CALCRL: variants seen among roughly 807,000 people sequenced by gnomAD.
The protein encoded by CALCRL is calcitonin receptor like receptor, also known as calcitonin gene-related peptide type 1 receptor.
Under a neutral mutation model 60.4 loss-of-function variants are expected in CALCRL, and 27 were observed. That is an observed-to-expected ratio of 0.45 (90% CI 0.33 to 0.62). The LOEUF (loss-of-function observed/expected upper bound fraction) is 0.62, where lower values mean the gene tolerates loss of function less well. CALCRL is among the 20% of genes least tolerant of loss of function. The probability of loss-of-function intolerance (pLI) is 0.03; values close to 1 mark genes in which losing one functional copy is unlikely to be tolerated. For synonymous variants in CALCRL, 190 were observed against 182.6 expected (o/e 1.04, Z -0.33); for missense variants, 424 against 540.7 (o/e 0.78, Z 2.14).
intron 14 of CALCRL, among the ~76,000 whole-genome samples, chr2:187,347,270 A>G (rs998841581): frequency 1.3e-4 from 20 of 151,934 alleles, no homozygotes; most frequent in Admixed American, 1.1e-3. Context: ...GGACTTTTCC[A>G]TGTCTGATGA....
At chr2:187,369,534 AT>A (rs1032026363) in intron 8 of CALCRL, among the ~76,000 whole-genome samples, 6 of 152,264 alleles carry the variant, frequency 3.9e-5, no homozygotes, top group East Asian at 1.9e-4. Context: ...TTGAGTTTGA[AT>A]TTTGAAGTTC....
chr2:187,430,474 AT>A (rs1261396184), intron 1 of CALCRL, among the ~76,000 whole-genome samples: 2 of 152,212 alleles, frequency 1.3e-5, no homozygotes, highest in African/African-American at 4.8e-5. Context: ...AGGACATTTA[AT>A]TTTGTAGGAA....
chr2:187,379,351 C>G (rs1270330096), intron 7 of CALCRL, among the ~76,000 whole-genome samples: 2 of 151,696 alleles, frequency 1.3e-5, no homozygotes, highest in Non-Finnish European at 2.9e-5. Context: ...CTATATGAAA[C>G]TAGTATTTTA....
chr2:187,363,538 G>A, intron 8 of CALCRL, 36 bp from the exon 9 acceptor site: 1 of 1,535,368 alleles, frequency 6.5e-7, no homozygotes, highest in Non-Finnish European at 8.7e-7. Flanking sequence ...TTGACATCAT[G>A]AAATGTTTTT....
chr2:187,404,923 G>A (rs1383931890), intron 1 of CALCRL, among the ~76,000 whole-genome samples: 1 of 151,914 alleles, frequency 6.6e-6, no homozygotes, highest in African/African-American at 2.4e-5. Context: ...AGTAGGAAGC[G>A]AGACACAGGG....
At chr2:187,406,399 T>G (rs1689129508) in intron 1 of CALCRL, among the ~76,000 whole-genome samples, 1 of 152,006 alleles carries the variant, frequency 6.6e-6, no homozygotes, top group Non-Finnish European at 1.5e-5. Flanking sequence ...GTACAGAATA[T>G]TCAATACACA....
At chr2:187,373,512 G>T (rs1417898103) in intron 8 of CALCRL, among the ~76,000 whole-genome samples, 2 of 151,932 alleles carry the variant, frequency 1.3e-5, no homozygotes, top group Non-Finnish European at 2.9e-5. Context: ...TTATAAACAT[G>T]GTCCATTTAA....
rs73979870 is a variant in CALCRL, at chr2:187,360,353, T to C, written c.781+245A>G. 1.7e-3 allele frequency among the ~76,000 whole-genome samples: 266 copies of C among 152,162 alleles called. 3 individuals carry two copies. Among genetic ancestry groups the C allele is most frequent in the African/African-American group, 6.2e-3 (256 of 41,558 alleles). ...CTACATATTCAGCCAAGATACCCTA[T>C]TCATTGGCATATTCAATAGAAAAAA... On this transcript the variant is annotated intron_variant, in intron 10 of 14. Transcript: ENST00000392370.
chr2:187,432,888 A>G (rs541115098), intron 1 of CALCRL, among the ~76,000 whole-genome samples: 1 of 152,084 alleles, frequency 6.6e-6, no homozygotes, highest in African/African-American at 2.4e-5. Context: ...AGTGTGTTAC[A>G]GTTGCCTAAA....
At chr2:187,349,796 T>C (rs905534665) in intron 14 of CALCRL, among the ~76,000 whole-genome samples, 3 of 151,668 alleles carry the variant, frequency 2.0e-5, no homozygotes, top group Non-Finnish European at 4.4e-5. Flanking sequence ...ACTTTAGATA[T>C]TCCCTGGGCA....
At chr2:187,439,300 T>C (rs1574329494) in intron 1 of CALCRL, among the ~76,000 whole-genome samples, 1 of 152,092 alleles carries the variant, frequency 6.6e-6, no homozygotes, top group Admixed American at 6.6e-5. Context: ...CTGGCCAACA[T>C]GGCGAAATCC....
Position 187,346,184 on chromosome 2 carries a change from T to G in CALCRL, c.1386A>C (p.Ter462CysextTer2). ...VLLKPENLYN[*>C] ...CAGTGAGACAACCATCCTTCTATTT[T>G]CAATTATATAAATTTTCTGGTTTTA... The change falls in exon 15 of 15, where the codon TGA becomes TGC. Residue 462 changes from the stop codon to cysteine, a stop_lost. Coordinates refer to ENST00000392370, the MANE Select transcript of CALCRL (RefSeq NM_005795.6). The G allele has an allele frequency of 6.4e-7, 1 of 1,570,038 alleles. No individual in the cohort carries two copies. Among genetic ancestry groups the G allele is most frequent in the East Asian group, 2.3e-5 (1 of 44,146 alleles).
intron 1 of CALCRL, among the ~76,000 whole-genome samples, chr2:187,414,259 A>C (rs1483971608): frequency 6.6e-6 from 1 of 152,154 alleles, no homozygotes; most frequent in East Asian, 1.9e-4. Flanking sequence ...GGATGTGAGT[A>C]TGGGAAAGGC....
At chr2:187,380,301 A>C (rs1232386477) in intron 7 of CALCRL, among the ~76,000 whole-genome samples, 166 bp downstream of exon 7, 1 of 152,138 alleles carries the variant, frequency 6.6e-6, no homozygotes, top group Non-Finnish European at 1.5e-5. Flanking sequence ...ATCAATAATA[A>C]TTTTTTCCAC....
rs1445391018 is a variant in CALCRL at position 187,346,383 on chromosome 2, C to T, written c.1187G>A (p.Arg396Lys). ...FFNGEVQAIL[R>K]RNWNQYKIQF... is the part of the protein sequence containing the mutation. ...GATTTTGTATTGATTCCAGTTTCTT[C>T]TCAGAATTGCTTGAACCTATCAATC... The change falls in exon 15 of 15, where the codon AGA (arginine) becomes AAA (lysine). Residue 396 changes from arginine (R) to lysine (K), a missense_variant. Physicochemically the swap from Arg to Lys is conservative, Grantham distance 26 (BLOSUM62 2). Transcript: ENST00000392370. The T allele has an allele frequency of 1.2e-6, 2 of 1,610,124 alleles. No homozygotes were observed. Among genetic ancestry groups the T allele is most frequent in the South Asian group, 2.2e-5 (2 of 90,810 alleles).
intron 1 of CALCRL, among the ~76,000 whole-genome samples, chr2:187,405,622 G>C (rs919112710): frequency 6.6e-6 from 1 of 151,964 alleles, no homozygotes; most frequent in Non-Finnish European, 1.5e-5. Flanking sequence ...TATTACTCTT[G>C]ATTTGTATTT....
intron 8 of CALCRL, among the ~76,000 whole-genome samples, chr2:187,364,139 C>T (rs1687176514): frequency 6.6e-6 from 1 of 151,692 alleles, no homozygotes; most frequent in African/African-American, 2.4e-5. Flanking sequence ...ACTAGAGTTC[C>T]TCTTGTATAA....
chr2:187,342,829 TCTTA>T lies in CALCRL; in HGVS notation c.*3351_*3354del, dbSNP rs1482956482. ...AATTCTCCTTTGAATTTTTGTAACA[TCTTA>T]CTTGTTCCTTCATTAATTAATGAGT... On this transcript the variant is annotated 3_prime_UTR_variant, in exon 15 of 15. Coordinates refer to ENST00000392370, the MANE Select transcript of CALCRL (RefSeq NM_005795.6). Among the ~76,000 whole-genome samples, 4 of 151,636 alleles carry T rather than the reference TCTTA, an allele frequency of 2.6e-5. No homozygotes were observed. The South Asian group carries it at 8.3e-4, about 31-fold the overall frequency.
At chr2:187,390,974 C>A (rs1688416376) in intron 1 of CALCRL, among the ~76,000 whole-genome samples, 1 of 152,140 alleles carries the variant, frequency 6.6e-6, no homozygotes, top group Non-Finnish European at 1.5e-5. Flanking sequence ...TGCCAGCAGA[C>A]ACGTGGTGAG....
Sources: gnomAD v4.1 joint callset for allele counts (sites outside exome capture counted in the v4.1 genomes callset) on GRCh38, gnomAD v4.1.1 for gene constraint, MANE v1.5 for transcripts, NCBI Gene and HGNC (gene_info 2026-07-23, HGNC 2026-07-21) for gene names.